Variants in ATL1 observed in about 807,000 individuals in gnomAD.
ATL1 encodes atlastin GTPase 1.
In ATL1, 31 loss-of-function variants were observed where a neutral mutation model predicts 75.5. That is an observed-to-expected ratio of 0.41 (90% CI 0.31 to 0.55). The LOEUF (loss-of-function observed/expected upper bound fraction) is 0.55, where lower values mean the gene tolerates loss of function less well. ATL1 is among the 20% of genes least tolerant of loss of function. The pLI is 0.27. For missense variants in ATL1, 405 were observed against 662.6 expected, an observed-to-expected ratio of 0.61 and a Z score of 4.27; for synonymous variants, 226 against 233.3, an observed-to-expected ratio of 0.97 and a Z score of 0.28.
In ATL1 at chr14:50,535,780, T is replaced by C. The variant is rs962998927; in HGVS notation, c.-140+2413T>C. Among the ~76,000 whole-genome samples the C allele has an allele frequency of 2.0e-5, 3 of 152,310 alleles. No homozygotes were observed. The South Asian group carries it at 6.2e-4, about 32-fold the overall frequency. ...CGATATCCCTTTCATCCAGTTTGAA[T>C]TGATCATCAGATATGTTACTGATAT... On this transcript the variant is annotated intron_variant, in intron 1 of 13. Transcript: ENST00000441560.
chr14:50,604,987 T>A (rs2039303837), intron 6 of ATL1, among the ~76,000 whole-genome samples: 1 of 152,010 alleles, frequency 6.6e-6, no homozygotes, highest in Non-Finnish European at 1.5e-5. Flanking sequence ...AAGCCTTGGT[T>A]ACTGGATCAA....
chr14:50,575,701 G>A (rs2038999507), intron 1 of ATL1, among the ~76,000 whole-genome samples: 1 of 152,044 alleles, frequency 6.6e-6, no homozygotes, highest in African/African-American at 2.4e-5. Flanking sequence ...CTCTATAATG[G>A]CTGCAATATA....
Position 50,628,119 on chromosome 14 carries a change from G to A in ATL1, c.1208G>A (p.Arg403Gln), listed in dbSNP as rs972161717. 3 of 1,614,056 alleles carry A rather than the reference G, an allele frequency of 1.9e-6. No individual in the cohort carries two copies. Among genetic ancestry groups the A allele is most frequent in the Admixed American group, 1.7e-5 (1 of 60,002 alleles). The change falls in exon 12 of 14, where the codon CGA (arginine) becomes CAA (glutamine). Residue 403 changes from arginine (R) to glutamine (Q), a missense_variant. This residue lies in a region of ATL1 where 163 missense variants were observed against 244.1 expected (regional missense o/e 0.67). Transcript: ENST00000358385. ...AAGGAAGAATCTGTGAAGCTATTCCGAGGGGTGAAGAAGATGGGTGGGGAA... is the reference window on the plus strand; with the variant it reads ...AAGGAAGAATCTGTGAAGCTATTCCAAGGGGTGAAGAAGATGGGTGGGGAA... ...QLKEESVKLF[R>Q]GVKKMGGEEF... is the part of the protein sequence containing the mutation.
At chr14:50,599,900 T>G (rs2039255912) in intron 6 of ATL1, among the ~76,000 whole-genome samples, 1 of 151,750 alleles carries the variant, frequency 6.6e-6, no homozygotes, top group African/African-American at 2.4e-5. Flanking sequence ...AGGAACCTGG[T>G]GTGGGGAGGA....
chr14:50,565,464 G>A (rs1180835312), intron 1 of ATL1, among the ~76,000 whole-genome samples: 1 of 134,692 alleles, frequency 7.4e-6, no homozygotes, highest in Non-Finnish European at 1.6e-5. Context: ...CAGCCTGGGT[G>A]GCAGAATGAG....
At chr14:50,566,672 T>C (rs1174123933) in intron 1 of ATL1, among the ~76,000 whole-genome samples, 3 of 152,174 alleles carry the variant, frequency 2.0e-5, no homozygotes, top group Non-Finnish European at 4.4e-5. Flanking sequence ...GGTTATCTTT[T>C]TCTTCTTGCT....
Position 50,600,254 on chromosome 14 carries a change from G to T in ATL1, c.630+4622G>T, listed in dbSNP as rs72679559. 7.1e-3 allele frequency among the ~76,000 whole-genome samples: 1,049 copies of T among 147,886 alleles called. 5 individuals carry two copies. The highest frequency in any genetic ancestry group is 0.031 in the Middle Eastern group (9 of 288). On this transcript the variant is annotated intron_variant, in intron 6 of 13. Coordinates refer to ENST00000358385, the MANE Select transcript of ATL1 (RefSeq NM_015915.5). ...AAAGATTGATAGAGTTGCGGCTTTT[G>T]GTTAAAAAAAAAAAAAAGAGTTGAA...
chr14:50,560,463 G>A (rs2038824355), intron 1 of ATL1, 164 bp downstream of exon 1: 1 of 945,564 alleles, frequency 1.1e-6, no homozygotes, highest in Non-Finnish European at 1.6e-6. Flanking sequence ...AGGAACCATG[G>A]CCGAGCGGTA....
At chr14:50,617,308 G>A (rs532111231) in intron 8 of ATL1, among the ~76,000 whole-genome samples, 1 of 152,176 alleles carries the variant, frequency 6.6e-6, no homozygotes, top group African/African-American at 2.4e-5. Context: ...AGCTTTTATT[G>A]GGTGCTTACT....
At chr14:50,589,152 T>G (rs2039130371) in intron 2 of ATL1, among the ~76,000 whole-genome samples, 1 of 141,720 alleles carries the variant, frequency 7.1e-6, no homozygotes, top group South Asian at 2.5e-4. Context: ...CTTTTCTTTC[T>G]TTCTTTTTTT....
intron 1 of ATL1, among the ~76,000 whole-genome samples, chr14:50,579,832 A>G (rs1392879384): frequency 6.6e-6 from 1 of 152,152 alleles, no homozygotes; most frequent in Admixed American, 6.5e-5. Flanking sequence ...TAGTATTTAT[A>G]TCACAGAAAT....
intron 11 of ATL1, 24 bp downstream of exon 11, chr14:50,623,272 C>A (rs914168338): frequency 1.9e-6 from 3 of 1,581,446 alleles, no homozygotes; most frequent in Admixed American, 1.7e-5. Context: ...ATTTTAAATT[C>A]TGTCTTAAAC....
chr14:50,539,651 G>A (rs2038536392), intron 1 of ATL1, among the ~76,000 whole-genome samples: 1 of 152,208 alleles, frequency 6.6e-6, no homozygotes, highest in South Asian at 2.1e-4. Context: ...TTAAACATGA[G>A]TTAGAAGAAA....
intron 2 of ATL1, among the ~76,000 whole-genome samples, chr14:50,590,618 A>G (rs944391431): frequency 6.6e-6 from 1 of 152,090 alleles, no homozygotes; most frequent in Non-Finnish European, 1.5e-5. Context: ...TTTATGCATT[A>G]TATATACTTC....
At chr14:50,558,474 G>T (rs950516365), upstream of ATL1, among the ~76,000 whole-genome samples, 1 of 152,130 alleles carries the variant, frequency 6.6e-6, no homozygotes, top group Non-Finnish European at 1.5e-5. Context: ...AAAAGTTATT[G>T]GCCAATAGTA....
At chr14:50,591,845 T>C (rs2039161716) in intron 4 of ATL1, 2 of 531,622 alleles carry the variant, frequency 3.8e-6, no homozygotes, top group Non-Finnish European at 6.7e-6. Flanking sequence ...AACTTTCAAA[T>C]TGACTGCTTT....
intron 1 of ATL1, among the ~76,000 whole-genome samples, chr14:50,537,148 A>G (rs2038503771): frequency 6.6e-6 from 1 of 152,196 alleles, no homozygotes; most frequent in South Asian, 2.1e-4. Context: ...TGCTGTGTGC[A>G]GCCTAGAGAC....
At chr14:50,589,807 T>C (rs188778469) in intron 2 of ATL1, among the ~76,000 whole-genome samples, 47 of 152,278 alleles carry the variant, frequency 3.1e-4, no homozygotes, top group African/African-American at 1.1e-3. Context: ...ATTAAATACA[T>C]TTTTCTTTAA....
intron 4 of ATL1, among the ~76,000 whole-genome samples, chr14:50,593,219 C>CT (rs1245645263): frequency 2.0e-5 from 3 of 151,840 alleles, no homozygotes; most frequent in Admixed American, 6.6e-5. Flanking sequence ...TTAGTAATGA[C>CT]TTTTTTTAAT....
Sources: gnomAD v4.1 joint callset for allele counts (sites outside exome capture counted in the v4.1 genomes callset) on GRCh38, gnomAD v4.1.1 for gene constraint, gnomAD v4.1.1 regional missense constraint, MANE v1.5 for transcripts, NCBI Gene and HGNC (gene_info 2026-07-23, HGNC 2026-07-21) for gene names.